CCT5: variants seen among roughly 807,000 people sequenced by gnomAD.
The protein encoded by CCT5 is T-complex protein 1 subunit epsilon.
Under a neutral mutation model 55.0 loss-of-function variants are expected in CCT5, and 6 were observed. That is an observed-to-expected ratio of 0.11 (90% CI 0.06 to 0.22). CCT5 has a LOEUF of 0.22. Among genes scored for constraint, CCT5 ranks in the 10% least tolerant of loss-of-function variants. CCT5 has a pLI of 1.00. For synonymous variants in CCT5, 231 were observed against 243.7 expected, an observed-to-expected ratio of 0.95 and a Z score of 0.49; for missense variants, 560 against 694.6, an observed-to-expected ratio of 0.81 and a Z score of 2.18.
At chr5:10,250,224 C>T (rs1183906618), upstream of CCT5, 2 of 1,564,322 alleles carry the variant, frequency 1.3e-6, no homozygotes, top group Non-Finnish European at 1.7e-6. Context: ...ACATAAGTCC[C>T]GCGCGTCTTG....
intron 8 of CCT5, 99 bp from the exon 9 acceptor site, chr5:10,262,377 AATATT>A (rs1746008305): frequency 7.9e-7 from 1 of 1,259,212 alleles, no homozygotes; most frequent in African/African-American, 1.5e-5. Flanking sequence ...AGGCCATCTA[AATATT>A]AGAGCACAGC....
Position 10,258,542 on chromosome 5 carries a change from C to T in CCT5, c.873+7C>T. On this transcript the variant is annotated splice_region_variant and intron_variant, in intron 6 of 10. Coordinates refer to ENST00000280326, the MANE Select transcript of CCT5 (RefSeq NM_012073.5). ...TGAAGAGATGATTCAACAAGTAAGT[C>T]TTACCAGAGTCCTCAGTGGAATTTA... The T allele has an allele frequency of 1.9e-6, 3 of 1,611,350 alleles. No homozygotes were observed. The highest frequency in any genetic ancestry group is 2.5e-6 in the Non-Finnish European group (3 of 1,177,814).
chr5:10,261,337 A>G, intron 7 of CCT5: 3 of 603,922 alleles, frequency 5.0e-6, no homozygotes, highest in East Asian at 5.8e-5. Flanking sequence ...GCGCCGGGTG[A>G]TAGATCTGGG....
At position 10,265,059 on chromosome 5, in the gene CCT5, A is replaced by G. The variant is rs1049062068; in HGVS notation, c.*276A>G. The G allele has an allele frequency of 1.8e-5, 7 of 379,100 alleles. No individual in the cohort carries two copies. The highest frequency in any genetic ancestry group is 2.9e-5 in the Non-Finnish European group (6 of 206,932). The allele number at this position is 379,100 out of a possible 1,614,324, so 23.5% of individuals were successfully genotyped here. A position where few individuals can be genotyped will look rare whatever the true frequency, so the allele number is the denominator to read the frequency against. ...TTAAGAAACGTTTATTGTAACAGTAATTAAATGCTGCCTTAATTGAAGGGG... is the reference window on the plus strand; with the variant it reads ...TTAAGAAACGTTTATTGTAACAGTAGTTAAATGCTGCCTTAATTGAAGGGG... On this transcript the variant is annotated 3_prime_UTR_variant, in exon 11 of 11. Coordinates refer to ENST00000280326, the MANE Select transcript of CCT5 (RefSeq NM_012073.5).
rs1746018874 is a variant in CCT5 at position 10,262,576 on chromosome 5, T to C, written c.1275T>C (p.Ala425=). The change falls in exon 9 of 11, where the codon GCT becomes GCC. Residue 425 remains alanine (A), a synonymous_variant. Transcript: ENST00000280326. ...GTGTGGTGTATGGAGGAGGGGCTGC[T>C]GAGATATCCTGTGCCCTGGCAGTTA... ...DNRVVYGGGA[A]EISCALAVSQ... is the part of the protein sequence containing the mutation. 6.2e-7 allele frequency: 1 copy of C among 1,613,962 alleles called. No individual in the cohort carries two copies. The highest frequency in any genetic ancestry group is 8.5e-7 in the Non-Finnish European group (1 of 1,179,914).
Sources: allele counts gnomAD v4.1 joint callset, GRCh38; gene constraint gnomAD v4.1.1; transcripts MANE v1.5; gene names NCBI Gene and HGNC (gene_info 2026-07-23, HGNC 2026-07-21).